SRRM4: variants seen among roughly 807,000 people sequenced by gnomAD.
The protein encoded by SRRM4 is serine/arginine repetitive matrix 4.
Under a neutral mutation model 68.9 loss-of-function variants are expected in SRRM4, and 33 were observed. The observed-to-expected ratio is 0.48, with a 90% confidence interval of 0.36 to 0.64. The LOEUF (loss-of-function observed/expected upper bound fraction) is 0.64, where lower values mean the gene tolerates loss of function less well. Among genes scored for constraint, SRRM4 ranks in the 30% least tolerant of loss-of-function variants. SRRM4 has a pLI of 0.00. For synonymous variants in SRRM4, 318 were observed against 318.8 expected (o/e 1.00, Z 0.03); for missense variants, 817 against 827.1 (o/e 0.99, Z 0.15).
Position 118,981,860 on chromosome 12 carries a change from G to GC in SRRM4, c.-19dup. ...CAGCACTTTGGACAGCGCCCCGGAC[G>GC]CCCCGGCCCCTTTGGGTTGGCGATG... On this transcript the variant is annotated 5_prime_UTR_variant, in exon 1 of 13. Coordinates refer to ENST00000267260, the MANE Select transcript of SRRM4 (RefSeq NM_194286.4). The GC allele has an allele frequency of 6.2e-7, 1 of 1,608,958 alleles. No homozygotes were observed. Among genetic ancestry groups the GC allele is most frequent in the Non-Finnish European group, 8.5e-7 (1 of 1,177,406 alleles).
intron 2 of SRRM4, among the ~76,000 whole-genome samples, chr12:119,104,679 G>A (rs1431648935): frequency 2.0e-5 from 3 of 151,940 alleles, no homozygotes; most frequent in African/African-American, 7.2e-5. Flanking sequence ...CCTGTTGGAA[G>A]TAAGAGAGTT....
At chr12:119,139,467 C>T (rs747408115) in intron 8 of SRRM4, among the ~76,000 whole-genome samples, 1 of 152,134 alleles carries the variant, frequency 6.6e-6, no homozygotes, top group African/African-American at 2.4e-5. Flanking sequence ...CTGATGATGA[C>T]TTTGTGAAAA....
intron 6 of SRRM4, chr12:119,124,207 TATC>T (rs1954242670): frequency 6.6e-6 from 1 of 152,390 alleles, no homozygotes; most frequent in East Asian, 1.9e-4. Context: ...TCACCATTGT[TATC>T]ATCATCATCC....
intron 1 of SRRM4, among the ~76,000 whole-genome samples, chr12:119,090,637 A>G (rs1954009065): frequency 6.6e-6 from 1 of 152,186 alleles, no homozygotes; most frequent in Non-Finnish European, 1.5e-5. Flanking sequence ...AAAGAGATCT[A>G]GGATCTGACC....
intron 1 of SRRM4, among the ~76,000 whole-genome samples, chr12:119,078,030 G>C (rs909370284): frequency 2.0e-5 from 2 of 101,884 alleles, no homozygotes; most frequent in East Asian, 4.0e-4. Context: ...TCCAGCTGAG[G>C]TCTTATTCAC....
chr12:119,040,431 C>G (rs1009207706), intron 1 of SRRM4, among the ~76,000 whole-genome samples: 1 of 152,192 alleles, frequency 6.6e-6, no homozygotes, highest in Non-Finnish European at 1.5e-5. Context: ...TCCCACATAT[C>G]AGTGAGAACA....
At position 119,095,112 on chromosome 12, in the gene SRRM4, AC is replaced by A. The variant is rs373247440; in HGVS notation, c.132-7119del. Among the ~76,000 whole-genome samples, 257 of 152,250 alleles carry A rather than the reference AC, an allele frequency of 1.7e-3. 1 individual carries two copies. Among genetic ancestry groups the A allele is most frequent in the African/African-American group, 5.5e-3 (228 of 41,534 alleles). On this transcript the variant is annotated intron_variant, in intron 1 of 12. Coordinates refer to ENST00000267260, the MANE Select transcript of SRRM4 (RefSeq NM_194286.4). Reference sequence around the variant, plus strand: ...CAAAGGGTCACAGCTCCTGAAGATTACCCCCATCCAGGCTTAATGAACTGGA... The same window carrying A: ...CAAAGGGTCACAGCTCCTGAAGATTACCCCATCCAGGCTTAATGAACTGGA...
chr12:119,099,013 C>A (rs1227633745), intron 1 of SRRM4, among the ~76,000 whole-genome samples: 1 of 152,170 alleles, frequency 6.6e-6, no homozygotes, highest in Admixed American at 6.5e-5. Flanking sequence ...CCCTATCACT[C>A]CTGTTCCAAA....
At chr12:119,084,987 G>A (rs1009484550) in intron 1 of SRRM4, among the ~76,000 whole-genome samples, 1 of 152,134 alleles carries the variant, frequency 6.6e-6, no homozygotes, top group East Asian at 1.9e-4. Context: ...TGCAACCTTC[G>A]CCTCCTGGGT....
intron 1 of SRRM4, among the ~76,000 whole-genome samples, chr12:119,014,115 C>T (rs897397741): frequency 6.6e-6 from 1 of 152,180 alleles, no homozygotes; most frequent in African/African-American, 2.4e-5. Context: ...TGAGTGAGGC[C>T]ACACGTCTTT....
intron 10 of SRRM4, among the ~76,000 whole-genome samples, chr12:119,152,870 G>A (rs1431602890): frequency 1.3e-5 from 2 of 152,196 alleles, no homozygotes. Context: ...TCATGTAGAT[G>A]CACAACAATA....
Position 119,159,760 on chromosome 12 carries a change from G to C in SRRM4, c.*2962G>C, listed in dbSNP as rs904714954. The C allele has an allele frequency of 6.6e-6, 1 of 152,010 alleles. No homozygotes were observed. Among genetic ancestry groups the C allele is most frequent in the African/African-American group, 2.4e-5 (1 of 41,360 alleles). 9.4% of individuals were successfully genotyped at this position (152,010 alleles called of 1,614,324 possible). A position where few individuals can be genotyped will look rare whatever the true frequency, so the allele number is the denominator to read the frequency against. ...TCTCTCTGTCCCCTGAGATCTGAAG[G>C]CTACCTTGGGAAGAGGCATCAGCCA... On this transcript the variant is annotated 3_prime_UTR_variant, in exon 13 of 13. Transcript: ENST00000267260.
Position 119,096,378 on chromosome 12 carries a change from T to G in SRRM4, c.132-5858T>G, listed in dbSNP as rs1316389590. ...CAAGCAGGACAGCTGCTGATGTTCT[T>G]GCCAGTTAATATCTCAGGGTCTCAG... On this transcript the variant is annotated intron_variant, in intron 1 of 12. Transcript: ENST00000267260. 6.6e-5 allele frequency among the ~76,000 whole-genome samples: 10 copies of G among 152,196 alleles called. No homozygotes were observed. The East Asian group carries it at 1.9e-3, about 29-fold the overall frequency.
In SRRM4 at chr12:119,114,342, T is replaced by C. The variant is rs1454412155; in HGVS notation, c.343T>C (p.Ser115Pro). The C allele has an allele frequency of 6.2e-7, 1 of 1,609,136 alleles. No individual in the cohort carries two copies. The highest frequency in any genetic ancestry group is 1.3e-5 in the African/African-American group (1 of 74,714). Reference sequence around the variant, plus strand: ...CAGGGGAAAGAAGAAAAAGAAGAAATCCACTCGGAAGAAGAGAAGGAGGTA... The same window carrying C: ...CAGGGGAAAGAAGAAAAAGAAGAAACCCACTCGGAAGAAGAGAAGGAGGTA... Reference protein sequence around the residue: ...SSRGKKKKKKSTRKKRRRSSS... With the variant: ...SSRGKKKKKKPTRKKRRRSSS... Residue 115 changes from serine to proline, a missense_variant, in exon 3 of 13, where the codon TCC (serine) becomes CCC (proline). Coordinates refer to ENST00000267260, the MANE Select transcript of SRRM4 (RefSeq NM_194286.4).
intron 1 of SRRM4, among the ~76,000 whole-genome samples, chr12:119,075,915 T>TGGTGATGAA (rs796870954): frequency 0.6 from 82,950 of 137,138 alleles, 24,611 homozygotes; most frequent in Middle Eastern, 0.75. Context: ...ATGGTGATGA[T>TGGTGATGAA]GATGATGATG....
At chr12:119,091,728 C>T (rs73211892) in intron 1 of SRRM4, among the ~76,000 whole-genome samples, 6,064 of 152,276 alleles carry the variant, frequency 0.04, 137 homozygotes, top group African/African-American at 0.057. Flanking sequence ...TCCGATGGGT[C>T]TACTCACTAT....
intron 1 of SRRM4, among the ~76,000 whole-genome samples, chr12:119,087,739 G>A (rs1002631450): frequency 6.6e-6 from 1 of 152,134 alleles, no homozygotes; most frequent in African/African-American, 2.4e-5. Context: ...GATCCGCAGT[G>A]GAAAGAGACA....
rs370817014 is a variant in SRRM4, at chr12:119,125,437, G to A, written c.572G>A (p.Arg191Gln). 2.0e-5 allele frequency: 33 copies of A among 1,613,196 alleles called. No homozygotes were observed. Among genetic ancestry groups the A allele is most frequent in the African/African-American group, 1.3e-4 (10 of 74,778 alleles). The change falls in exon 7 of 13, where the codon CGG (arginine) becomes CAG (glutamine). Residue 191 changes from arginine to glutamine, a missense_variant. Arg to Gln is a conservative substitution (Grantham distance 43). Transcript: ENST00000267260. ...CACCGCCATCACCGCTGCCCCTCGC[G>A]GTCCCAGAGCTCGGAGTCCCGCCCC... is the stretch of plus-strand genomic sequence containing the variant. ...HRHRHHRCPS[R>Q]SQSSESRPSS...
chr12:119,006,859 A>T (rs1397312435), intron 1 of SRRM4, among the ~76,000 whole-genome samples: 1 of 152,200 alleles, frequency 6.6e-6, no homozygotes, highest in East Asian at 1.9e-4. Context: ...GGTGGGTTGA[A>T]TCTGCCAGGC....
Sources: allele counts gnomAD v4.1 joint callset (sites outside exome capture counted in the v4.1 genomes callset), GRCh38; gene constraint gnomAD v4.1.1; transcripts MANE v1.5; gene names NCBI Gene and HGNC (gene_info 2026-07-23, HGNC 2026-07-21).